Variants in PRIMA1 observed in about 807,000 individuals in gnomAD.
The protein encoded by PRIMA1 is proline rich membrane anchor 1.
PRIMA1 carries 7 observed loss-of-function variants against 17.5 expected under a neutral mutation model. The observed-to-expected ratio is 0.40, with a 90% CI of 0.23 to 0.75. PRIMA1 has a LOEUF of 0.75. Ranked by LOEUF, PRIMA1 falls within the 30% of genes least tolerant of loss-of-function variation. The pLI is 0.37. For synonymous variants in PRIMA1, 97 were observed against 77.9 expected (o/e 1.25, Z -1.29); for missense variants, 200 against 201.8 (o/e 0.99, Z 0.05).
intron 2 of PRIMA1, among the ~76,000 whole-genome samples, chr14:93,783,352 A>T (rs1885434868): frequency 6.6e-6 from 1 of 152,204 alleles, no homozygotes; most frequent in Non-Finnish European, 1.5e-5. Flanking sequence ...CAGTTGCCCA[A>T]GGCCCAGCAT....
intron 3 of PRIMA1, among the ~76,000 whole-genome samples, chr14:93,749,069 G>A (rs576093875): frequency 2.0e-4 from 31 of 152,138 alleles, no homozygotes; most frequent in Non-Finnish European, 4.1e-4. Context: ...GACTCCTTAA[G>A]GCAAGGCCTT....
At position 93,788,468 on chromosome 14, in the gene PRIMA1, C is replaced by T. The variant is rs997242246; in HGVS notation, c.-90G>A. ...TCGGGGAAAAGAGGTCCGCGTTCCC[C>T]CCGCGGCAGCTCTGTTTCCCAGCAG... On this transcript the variant is annotated 5_prime_UTR_variant, in exon 1 of 5. Coordinates refer to ENST00000393140, the MANE Select transcript of PRIMA1 (RefSeq NM_178013.4). 1 of 152,394 alleles carries T rather than the reference C, an allele frequency of 6.6e-6. No individual in the cohort carries two copies. The highest frequency in any genetic ancestry group is 1.5e-5 in the Non-Finnish European group (1 of 68,168). 9.4% of individuals were successfully genotyped at this position (152,394 alleles called of 1,614,324 possible).
At chr14:93,723,855 C>T (rs1368461870) in intron 4 of PRIMA1, among the ~76,000 whole-genome samples, 6 of 152,292 alleles carry the variant, frequency 3.9e-5, no homozygotes, top group African/African-American at 1.2e-4. Context: ...CCCACTAACA[C>T]TGTGTCTTGG....
At chr14:93,787,474 T>C in intron 2 of PRIMA1, 152 bp downstream of exon 2, 3 of 1,081,176 alleles carry the variant, frequency 2.8e-6, no homozygotes, top group Non-Finnish European at 4.0e-6. Flanking sequence ...AGGGGTAGGG[T>C]ATAGGGGACC....
At chr14:93,741,050 CTT>C (rs1331636384) in intron 3 of PRIMA1, among the ~76,000 whole-genome samples, 1 of 152,218 alleles carries the variant, frequency 6.6e-6, no homozygotes, top group Non-Finnish European at 1.5e-5. Context: ...TGCAAGCACA[CTT>C]ATCACCGCAT....
intron 4 of PRIMA1, among the ~76,000 whole-genome samples, chr14:93,723,033 TAC>T (rs1227300935): frequency 6.6e-6 from 1 of 151,998 alleles, no homozygotes; most frequent in Non-Finnish European, 1.5e-5. Context: ...GTTCTGAAAT[TAC>T]AGTGTACTTT....
intron 3 of PRIMA1, among the ~76,000 whole-genome samples, chr14:93,743,477 C>G (rs2076196398): frequency 6.6e-6 from 1 of 152,248 alleles, no homozygotes; most frequent in African/African-American, 2.4e-5. Flanking sequence ...CTGAGCAGCC[C>G]AGCTCCGGGC....
intron 3 of PRIMA1, among the ~76,000 whole-genome samples, chr14:93,753,906 A>G (rs1040129262): frequency 1.3e-5 from 2 of 152,176 alleles, no homozygotes; most frequent in East Asian, 3.9e-4. Flanking sequence ...AACAGATGCT[A>G]TGATGGCGAT....
intron 3 of PRIMA1, among the ~76,000 whole-genome samples, chr14:93,756,258 C>T (rs1304686588): frequency 1.3e-5 from 2 of 152,070 alleles, no homozygotes; most frequent in Non-Finnish European, 2.9e-5. Flanking sequence ...TTTTTAAACA[C>T]TGGGCGTGGC....
intron 3 of PRIMA1, among the ~76,000 whole-genome samples, chr14:93,770,376 C>T (rs377453601): frequency 4.2e-4 from 64 of 152,354 alleles, no homozygotes; most frequent in Admixed American, 2.4e-3. Context: ...CGGCCCTGTG[C>T]GGTCCGGGCA....
chr14:93,735,009 G>C (rs145681579), intron 4 of PRIMA1, among the ~76,000 whole-genome samples: 1 of 152,296 alleles, frequency 6.6e-6, no homozygotes, highest in Non-Finnish European at 1.5e-5. Flanking sequence ...ATTAATGTGA[G>C]TTTGTTCTCT....
intron 4 of PRIMA1, among the ~76,000 whole-genome samples, chr14:93,724,909 C>G (rs2076064258): frequency 6.6e-6 from 1 of 152,142 alleles, no homozygotes; most frequent in Non-Finnish European, 1.5e-5. Context: ...AATAACTAAG[C>G]CTGGATGGCT....
intron 3 of PRIMA1, among the ~76,000 whole-genome samples, chr14:93,766,646 A>C (rs1884898922): frequency 6.6e-6 from 1 of 152,184 alleles, no homozygotes; most frequent in African/African-American, 2.4e-5. Flanking sequence ...TGACACAGAG[A>C]ATTCAACAAA....
At chr14:93,785,393 T>G (rs140491672) in intron 2 of PRIMA1, among the ~76,000 whole-genome samples, 54 of 152,340 alleles carry the variant, frequency 3.5e-4, no homozygotes, top group African/African-American at 1.3e-3. Flanking sequence ...GGCTTAAGGC[T>G]GATTGCAAGG....
chr14:93,742,505 A>T (rs1256055362), intron 3 of PRIMA1, among the ~76,000 whole-genome samples: 1 of 152,252 alleles, frequency 6.6e-6, no homozygotes, highest in East Asian at 1.9e-4. Context: ...TGTTTGCAGA[A>T]GAAGCAGGTG....
intron 2 of PRIMA1, among the ~76,000 whole-genome samples, chr14:93,786,721 G>A (rs1885535527): frequency 6.6e-6 from 1 of 152,120 alleles, no homozygotes; most frequent in African/African-American, 2.4e-5. Flanking sequence ...GTGATAAACA[G>A]AGTACCTGGT....
chr14:93,748,821 C>T (rs1309021853), intron 3 of PRIMA1, among the ~76,000 whole-genome samples: 2 of 152,048 alleles, frequency 1.3e-5, no homozygotes, highest in African/African-American at 4.8e-5. Flanking sequence ...AACCCCAATA[C>T]ATTATTAATA....
intron 3 of PRIMA1, among the ~76,000 whole-genome samples, chr14:93,763,776 A>G (rs1175551453): frequency 6.6e-6 from 1 of 151,932 alleles, no homozygotes; most frequent in Non-Finnish European, 1.5e-5. Flanking sequence ...CTGCTGGCTC[A>G]GTCCCCACCG....
intron 2 of PRIMA1, among the ~76,000 whole-genome samples, chr14:93,782,448 A>T (rs12147937): frequency 6.6e-6 from 1 of 151,440 alleles, no homozygotes; most frequent in Non-Finnish European, 1.5e-5. Flanking sequence ...GTGAGACCTC[A>T]TCTCTACAAA....
Sources: allele counts gnomAD v4.1 joint callset (sites outside exome capture counted in the v4.1 genomes callset), GRCh38; gene constraint gnomAD v4.1.1; transcripts MANE v1.5; gene names NCBI Gene and HGNC (gene_info 2026-07-23, HGNC 2026-07-21).